CMSS1: variants seen among roughly 807,000 people sequenced by gnomAD.
CMSS1 encodes the protein cms1 ribosomal small subunit homolog.
In CMSS1, 33 loss-of-function variants were observed where a neutral mutation model predicts 43.5. The ratio of observed to expected loss-of-function variants is 0.76; its 90% CI spans 0.57 to 1.01. The LOEUF is 1.01. Ranked by LOEUF, CMSS1 falls within the 50% of genes least tolerant of loss-of-function variation. The pLI, the probability that CMSS1 is intolerant of heterozygous loss-of-function variation, is 0.00. For synonymous variants in CMSS1, 115 were observed against 117.2 expected, an observed-to-expected ratio of 0.98 and a Z score of 0.12; for missense variants, 313 against 326.4, an observed-to-expected ratio of 0.96 and a Z score of 0.32.
At chr3:99,834,355 G>A (rs979618197) in intron 1 of CMSS1, among the ~76,000 whole-genome samples, 2 of 152,184 alleles carry the variant, frequency 1.3e-5, no homozygotes, top group African/African-American at 4.8e-5. Context: ...AAAGGTTAGA[G>A]TAAATAGGTG....
intron 1 of CMSS1, among the ~76,000 whole-genome samples, chr3:100,002,668 T>C (rs1054380716): frequency 1.3e-5 from 2 of 152,204 alleles, no homozygotes; most frequent in African/African-American, 4.8e-5. Context: ...TGAAATTACA[T>C]AGCTAAAAAA....
chr3:100,151,058 C>A (rs2066903367), intron 2 of CMSS1, among the ~76,000 whole-genome samples: 1 of 152,126 alleles, frequency 6.6e-6, no homozygotes, highest in African/African-American at 2.4e-5. Flanking sequence ...TTCTTGCTCT[C>A]CTTTCTCTAC....
chr3:99,899,249 G>T (rs1471622748), intron 1 of CMSS1, among the ~76,000 whole-genome samples: 1 of 152,080 alleles, frequency 6.6e-6, no homozygotes, highest in African/African-American at 2.4e-5. Context: ...GTTTTATTTT[G>T]AACAGGACAC....
Position 99,996,865 on chromosome 3 carries a change from TGA to T in CMSS1, c.65-150105_65-150104del, listed in dbSNP as rs1257143755. On this transcript the variant is annotated intron_variant, in intron 1 of 9. Coordinates refer to ENST00000421999, the MANE Select transcript of CMSS1 (RefSeq NM_032359.4). ...GGAATTATGGGAGTACAATTCAAGA[TGA>T]GATTTGGGTGGGGACACAGCCAAAC... Among the ~76,000 whole-genome samples the T allele has an allele frequency of 2.0e-5, 3 of 151,158 alleles. No homozygotes were observed. In the East Asian group the frequency reaches 5.8e-4, roughly 29 times the overall value.
chr3:99,863,997 A>G (rs1944386243), intron 1 of CMSS1, among the ~76,000 whole-genome samples: 2 of 152,220 alleles, frequency 1.3e-5, no homozygotes, highest in African/African-American at 4.8e-5. Flanking sequence ...AAAAATAAAC[A>G]TGGTTGCTAA....
At chr3:100,177,666 ACCT>A (rs2067158416) in intron 9 of CMSS1, among the ~76,000 whole-genome samples, 1 of 152,150 alleles carries the variant, frequency 6.6e-6, no homozygotes, top group Non-Finnish European at 1.5e-5. Flanking sequence ...TTTATATAGT[ACCT>A]CCTCCTTCAT....
At chr3:100,143,806 T>C (rs1216282404) in intron 1 of CMSS1, among the ~76,000 whole-genome samples, 2 of 152,230 alleles carry the variant, frequency 1.3e-5, no homozygotes, top group Non-Finnish European at 1.5e-5. Context: ...TTTATCATTA[T>C]ATAATGTCTC....
intron 1 of CMSS1, among the ~76,000 whole-genome samples, chr3:99,846,656 G>A (rs1013500567): frequency 3.1e-4 from 47 of 152,294 alleles, no homozygotes; most frequent in African/African-American, 9.9e-4. Flanking sequence ...AGCCCATAGC[G>A]TTGGTGTTGC....
Position 100,178,574 on chromosome 3 carries a change from T to C in CMSS1, c.*186T>C, listed in dbSNP as rs2067166618. On this transcript the variant is annotated 3_prime_UTR_variant, in exon 10 of 10. Coordinates refer to ENST00000421999, the MANE Select transcript of CMSS1 (RefSeq NM_032359.4). ...AACTGTCCTTTTGACAACTCTCTTA[T>C]ATAATAAAGTATCACCGGCTTGTGT... 1 of 523,828 alleles carries C rather than the reference T, an allele frequency of 1.9e-6. No individual in the cohort carries two copies. Among genetic ancestry groups the C allele is most frequent in the South Asian group, 2.5e-5 (1 of 39,744 alleles). 32.4% of individuals were successfully genotyped at this position (523,828 alleles called of 1,614,324 possible).
chr3:99,968,816 G>C (rs1189278078), intron 1 of CMSS1, among the ~76,000 whole-genome samples: 2 of 152,208 alleles, frequency 1.3e-5, no homozygotes. Flanking sequence ...CCAGTGGCCA[G>C]GGCAGAATGA....
intron 1 of CMSS1, among the ~76,000 whole-genome samples, chr3:99,852,956 C>G (rs1016783974): frequency 4.6e-5 from 7 of 152,058 alleles, no homozygotes; most frequent in African/African-American, 1.5e-4. Flanking sequence ...GGAGGCTGGC[C>G]CAAGGGCTGT....
intron 1 of CMSS1, among the ~76,000 whole-genome samples, chr3:100,137,480 G>T (rs2066765269): frequency 6.6e-6 from 1 of 151,756 alleles, no homozygotes; most frequent in Non-Finnish European, 1.5e-5. Flanking sequence ...ACATTGACAA[G>T]CTCAAAATGA....
chr3:100,129,038 A>G (rs2066685395), intron 1 of CMSS1, among the ~76,000 whole-genome samples: 1 of 152,184 alleles, frequency 6.6e-6, no homozygotes, highest in South Asian at 2.1e-4. Context: ...CACAGTCAGT[A>G]TACAGACAGT....
intron 1 of CMSS1, among the ~76,000 whole-genome samples, chr3:99,889,447 T>A (rs1433532130): frequency 1.3e-5 from 2 of 152,114 alleles, no homozygotes; most frequent in African/African-American, 4.8e-5. Flanking sequence ...TACTTTCAGC[T>A]TTACCATACC....
intron 1 of CMSS1, chr3:99,850,024 G>C: frequency 6.2e-7 from 1 of 1,608,098 alleles, no homozygotes; most frequent in Admixed American, 1.7e-5. Flanking sequence ...TTCTACATCG[G>C]TTTTGGACTT....
intron 1 of CMSS1, among the ~76,000 whole-genome samples, chr3:99,858,776 C>A (rs1944099520): frequency 6.6e-6 from 1 of 152,216 alleles, no homozygotes; most frequent in Admixed American, 6.5e-5. Context: ...ATCTTCTTCA[C>A]TCTCAAAGGG....
intron 1 of CMSS1, among the ~76,000 whole-genome samples, chr3:100,006,790 CG>C (rs1559722809): frequency 6.6e-6 from 1 of 152,108 alleles, no homozygotes; most frequent in Admixed American, 6.6e-5. Context: ...TTAATAATTG[CG>C]GCATGTCAGC....
chr3:99,881,450 T>C (rs1424778309), intron 1 of CMSS1, among the ~76,000 whole-genome samples: 1 of 152,176 alleles, frequency 6.6e-6, no homozygotes, highest in Non-Finnish European at 1.5e-5. Flanking sequence ...TCCCTGTCCC[T>C]TGCCAGTACA....
intron 1 of CMSS1, among the ~76,000 whole-genome samples, chr3:99,868,419 G>GC (rs1301877140): frequency 1.3e-5 from 2 of 152,172 alleles, no homozygotes; most frequent in Admixed American, 1.3e-4. Context: ...GCCTGAGACA[G>GC]CCCCCTATAT....
Sources: gnomAD v4.1 joint callset for allele counts (sites outside exome capture counted in the v4.1 genomes callset) on GRCh38, gnomAD v4.1.1 for gene constraint, MANE v1.5 for transcripts, NCBI Gene and HGNC (gene_info 2026-07-23, HGNC 2026-07-21) for gene names.